Variants in CCDC73 observed in about 807,000 individuals in gnomAD.
CCDC73 encodes coiled-coil domain-containing protein 73.
Under a neutral mutation model 116.5 loss-of-function variants are expected in CCDC73, and 95 were observed. That is an observed-to-expected ratio of 0.82 (90% CI 0.69 to 0.97). The LOEUF is 0.97. Ranked by LOEUF, CCDC73 falls within the 50% of genes least tolerant of loss-of-function variation. CCDC73 has a pLI of 0.00. For missense variants in CCDC73, 1,066 were observed against 1,206.8 expected (o/e 0.88, Z 1.73); for synonymous variants, 398 against 401.3 (o/e 0.99, Z 0.10).
chr11:32,720,985 T>C (rs1849984837), intron 2 of CCDC73, among the ~76,000 whole-genome samples: 1 of 152,186 alleles, frequency 6.6e-6, no homozygotes, highest in African/African-American at 2.4e-5. Flanking sequence ...AAAAAAGCTG[T>C]AGAGAAATAA....
At chr11:32,643,839 T>G (rs897745886) in intron 12 of CCDC73, among the ~76,000 whole-genome samples, 1 of 152,072 alleles carries the variant, frequency 6.6e-6, no homozygotes. Context: ...TTTTCTTTCT[T>G]CAATAATAAA....
chr11:32,731,756 T>C (rs961087837), intron 2 of CCDC73, among the ~76,000 whole-genome samples: 2 of 152,190 alleles, frequency 1.3e-5, no homozygotes, highest in Non-Finnish European at 2.9e-5. Flanking sequence ...AAATCCCATC[T>C]GTACATCACC....
intron 14 of CCDC73, among the ~76,000 whole-genome samples, chr11:32,616,690 A>G (rs1855477517): frequency 6.6e-6 from 1 of 152,230 alleles, no homozygotes; most frequent in African/African-American, 2.4e-5. Flanking sequence ...TCAGTCCAAC[A>G]TGCTTTTTCT....
intron 2 of CCDC73, among the ~76,000 whole-genome samples, chr11:32,742,693 C>A (rs948085360): frequency 6.6e-6 from 1 of 152,160 alleles, no homozygotes; most frequent in Non-Finnish European, 1.5e-5. Context: ...GCTTTTGTTG[C>A]CATTGCTTTT....
At chr11:32,695,586 G>A (rs1856303013) in intron 6 of CCDC73, among the ~76,000 whole-genome samples, 1 of 152,138 alleles carries the variant, frequency 6.6e-6, no homozygotes, top group Admixed American at 6.5e-5. Flanking sequence ...CTTTGAAGCA[G>A]AATTGATTGC....
the CCDC73 span, among the ~76,000 whole-genome samples, chr11:32,804,531 C>A: frequency 1.6e-4 from 25 of 152,226 alleles, no homozygotes; most frequent in African/African-American, 6.0e-4. Flanking sequence ...TTTGAATTAG[C>A]TCAGTTTTCA....
chr11:32,684,210 C>T (rs966745974), intron 6 of CCDC73, among the ~76,000 whole-genome samples: 73 of 152,158 alleles, frequency 4.8e-4, no homozygotes, highest in African/African-American at 1.6e-3. Context: ...TGCCACCACA[C>T]CTGGCTAATT....
At chr11:32,727,070 T>C (rs1304679114) in intron 2 of CCDC73, among the ~76,000 whole-genome samples, 1 of 152,164 alleles carries the variant, frequency 6.6e-6, no homozygotes, top group Non-Finnish European at 1.5e-5. Context: ...CTTGACACTT[T>C]TGAAGAATAT....
At chr11:32,827,153 C>T in the CCDC73 span, among the ~76,000 whole-genome samples, 1 of 152,140 alleles carries the variant, frequency 6.6e-6, no homozygotes, top group Admixed American at 6.5e-5. Flanking sequence ...TGTGAGCCAC[C>T]GTGCCCGACC....
chr11:32,783,836 C>G (rs1850603960), intron 1 of CCDC73, among the ~76,000 whole-genome samples: 1 of 152,108 alleles, frequency 6.6e-6, no homozygotes, highest in Non-Finnish European at 1.5e-5. Flanking sequence ...AGGAAAGGAA[C>G]CCTAGCACGG....
intron 14 of CCDC73, among the ~76,000 whole-genome samples, chr11:32,626,187 C>T (rs1689959156): frequency 6.6e-6 from 1 of 152,070 alleles, no homozygotes; most frequent in Non-Finnish European, 1.5e-5. Flanking sequence ...ACACCAATAA[C>T]AGACAGAGAG....
intron 1 of CCDC73, among the ~76,000 whole-genome samples, chr11:32,772,675 A>C (rs1022543559): frequency 1.3e-5 from 2 of 152,220 alleles, no homozygotes; most frequent in African/African-American, 4.8e-5. Flanking sequence ...AAGAGATAAA[A>C]CAAATATAGC....
intron 2 of CCDC73, among the ~76,000 whole-genome samples, chr11:32,746,526 A>G (rs1364398230): frequency 6.6e-6 from 1 of 152,164 alleles, no homozygotes; most frequent in Non-Finnish European, 1.5e-5. Flanking sequence ...AGTGTTTTCT[A>G]ACTTGTTTCC....
intron 4 of CCDC73, among the ~76,000 whole-genome samples, chr11:32,702,083 C>T (rs907369108): frequency 2.0e-5 from 3 of 152,076 alleles, no homozygotes; most frequent in Non-Finnish European, 4.4e-5. Context: ...CTTGGTTAGG[C>T]CTATCTCAGA....
intron 6 of CCDC73, among the ~76,000 whole-genome samples, chr11:32,684,808 G>A (rs1461654143): frequency 1.3e-5 from 2 of 152,014 alleles, no homozygotes; most frequent in East Asian, 3.9e-4. Flanking sequence ...CATGGTGAAA[G>A]TCTGAAAACA....
At chr11:32,822,526 T>C in the CCDC73 span, among the ~76,000 whole-genome samples, 1 of 152,218 alleles carries the variant, frequency 6.6e-6, no homozygotes, top group Non-Finnish European at 1.5e-5. Context: ...AAGGAGGATG[T>C]ATTTACTAAT....
intron 9 of CCDC73, among the ~76,000 whole-genome samples, chr11:32,662,221 A>G (rs1249485821): frequency 3.3e-5 from 5 of 152,212 alleles, no homozygotes; most frequent in African/African-American, 1.2e-4. Context: ...GGCTGGGTCA[A>G]ATGGTATTTC....
At chr11:32,715,777 A>G (rs1056318642) in intron 3 of CCDC73, among the ~76,000 whole-genome samples, 4 of 152,314 alleles carry the variant, frequency 2.6e-5, no homozygotes, top group Admixed American at 1.3e-4. Flanking sequence ...ATAAAAACCA[A>G]TAAATTATAT....
rs187448486 is a variant in CCDC73, at chr11:32,731,188, T to A, written c.136-13041A>T. Among the ~76,000 whole-genome samples the A allele has an allele frequency of 1.9e-3, 286 of 152,206 alleles. 1 individual carries two copies. The highest frequency in any genetic ancestry group is 4.8e-3 in the Admixed American group (73 of 15,298). On this transcript the variant is annotated intron_variant, in intron 2 of 17. Transcript: ENST00000335185. ...GCTTGGCTCACTGCTAGCACAGCAG[T>A]CTGAGATCAAACTGCAAGGTGGCAG...
Sources: allele counts gnomAD v4.1 joint callset (sites outside exome capture counted in the v4.1 genomes callset), GRCh38; gene constraint gnomAD v4.1.1; transcripts MANE v1.5; gene names NCBI Gene and HGNC (gene_info 2026-07-23, HGNC 2026-07-21).